The following APOC1 variants were observed in gnomAD, a reference collection of about 807,000 sequenced individuals.
APOC1 encodes apolipoprotein C-I.
Under a neutral mutation model 6.7 loss-of-function variants are expected in APOC1, and 4 were observed. The ratio of observed to expected loss-of-function variants is 0.60; its 90% CI spans 0.29 to 1.37. APOC1 has a LOEUF of 1.37. APOC1 is among the 40% of genes most tolerant of loss of function. APOC1 has a pLI of 0.09. For missense variants in APOC1, 122 were observed against 99.4 expected (o/e 1.23, Z -0.97); for synonymous variants, 33 against 40.6 (o/e 0.81, Z 0.72).
At chr19:44,917,325 G>A (rs1415741947) in intron 3 of APOC1, among the ~76,000 whole-genome samples, 2 of 152,178 alleles carry the variant, frequency 1.3e-5, no homozygotes, top group East Asian at 3.8e-4. Context: ...TGCCGAGCAC[G>A]GTGGCTCACA....
In APOC1 at chr19:44,916,809, CAAAAAAA is replaced by C. The variant is rs1160183813; in HGVS notation, c.194+504_194+510del. ...TGGGTGACAGAAGGAGACTCTGTCT[CAAAAAAA>C]AAAAAAAAAAAAAAAAAAACAAGAT... On this transcript the variant is annotated intron_variant, in intron 3 of 3. Transcript: ENST00000592535. Among the ~76,000 whole-genome samples the C allele has an allele frequency of 7.6e-3, 352 of 46,394 alleles. 1 individual carries two copies. The highest frequency in any genetic ancestry group is 0.01 in the Non-Finnish European group (293 of 28,696). The allele number at this position is 46,394 out of a possible 152,430, so 30.4% of individuals were successfully genotyped here. A position where few individuals can be genotyped will look rare whatever the true frequency, so the allele number is the denominator to read the frequency against.
chr19:44,917,460 C>T (rs1038353586), intron 3 of APOC1, among the ~76,000 whole-genome samples: 4 of 151,788 alleles, frequency 2.6e-5, no homozygotes, highest in Admixed American at 2.6e-4. Context: ...TGCCTGTAGT[C>T]CCAGCTCCTT....
intron 3 of APOC1, among the ~76,000 whole-genome samples, chr19:44,916,624 T>C (rs1193178976): frequency 6.7e-6 from 1 of 148,986 alleles, no homozygotes. Flanking sequence ...TCGAGACCAG[T>C]CTGACCAACA....
chr19:44,919,342 G>GA lies in APOC1; in HGVS notation c.*116dup. On this transcript the variant is annotated 3_prime_UTR_variant, in exon 4 of 4. Transcript: ENST00000592535. ...AGGTGCCACCAATAAAAATCCTACAGAAAATTCTCTCCTGAGTGCTTCTTT... is the reference window on the plus strand; with the variant it reads ...AGGTGCCACCAATAAAAATCCTACAGAAAAATTCTCTCCTGAGTGCTTCTTT... 1 of 976,144 alleles carries GA rather than the reference G, an allele frequency of 1.0e-6. No individual in the cohort carries two copies. The highest frequency in any genetic ancestry group is 1.6e-6 in the Non-Finnish European group (1 of 622,852). 60.5% of individuals were successfully genotyped at this position (976,144 alleles called of 1,614,324 possible).
chr19:44,914,774 T>A (rs967819650), intron 1 of APOC1, 41 bp downstream of exon 1: 1 of 1,068,726 alleles, frequency 9.4e-7, no homozygotes, highest in Non-Finnish European at 1.4e-6. Flanking sequence ...GCCTACACTC[T>A]GCAAGAAACT....
At chr19:44,915,982 A>G (rs1460758791) in intron 2 of APOC1, among the ~76,000 whole-genome samples, 3 of 151,252 alleles carry the variant, frequency 2.0e-5, no homozygotes, top group Non-Finnish European at 4.4e-5. Context: ...ACAAAACAAA[A>G]CAAAAATAGC....
In APOC1 at chr19:44,914,612, G is replaced by C; in HGVS notation, c.-142G>C. On this transcript the variant is annotated 5_prime_UTR_variant, in exon 1 of 4. Coordinates refer to ENST00000592535, the MANE Select transcript of APOC1 (RefSeq NM_001645.5). ...CGTGGGTGGACAGAGGGAGGCAGGC[G>C]GTCAGGGGAAGGCTCAGGAGGAGGG... The C allele has an allele frequency of 4.4e-6, 2 of 458,274 alleles. No individual in the cohort carries two copies. Among genetic ancestry groups the C allele is most frequent in the Non-Finnish European group, 8.0e-6 (2 of 250,666 alleles). 28.4% of individuals were successfully genotyped at this position (458,274 alleles called of 1,614,324 possible).
In APOC1 at chr19:44,916,279, G is replaced by GA; in HGVS notation, c.150dup (p.Leu51ThrfsTer9). Reference sequence around the variant, plus strand: ...AAACACACTGGAGGACAAGGCTCGGGAACTCATCAGCCGCATCAAACAGAG... The same window carrying GA: ...AAACACACTGGAGGACAAGGCTCGGGAAACTCATCAGCCGCATCAAACAGAG... On this transcript the variant is annotated frameshift_variant, in exon 3 of 4. Transcript: ENST00000592535. LOFTEE classifies it low-confidence loss of function (END_TRUNC). The GA allele has an allele frequency of 6.2e-7, 1 of 1,614,034 alleles. No homozygotes were observed. The highest frequency in any genetic ancestry group is 8.5e-7 in the Non-Finnish European group (1 of 1,180,022).
rs1459287209 is a variant in APOC1, at chr19:44,914,924, G to A, written c.33G>A (p.Val11=). 6.2e-7 allele frequency: 1 copy of A among 1,613,844 alleles called. No homozygotes were observed. Among genetic ancestry groups the A allele is most frequent in the Non-Finnish European group, 8.5e-7 (1 of 1,179,840 alleles). The part of the protein sequence containing the change: MRLFLSLPVL[V]VVLSIVLEGP... ...TCTTCCTGTCGCTCCCGGTCCTGGT[G>A]GTGGTTCTGTCGATCGTCTTGGAAG... Residue 11 remains valine (V), a synonymous_variant, in exon 2 of 4, where the codon GTG becomes GTA. Transcript: ENST00000592535.
intron 3 of APOC1, among the ~76,000 whole-genome samples, chr19:44,917,951 G>A (rs1292657454): frequency 6.6e-6 from 1 of 151,452 alleles, no homozygotes; most frequent in African/African-American, 2.4e-5. Context: ...TCCAGCCTGG[G>A]CGACAAGGCG....
At chr19:44,914,816 A>G in intron 1 of APOC1, 56 bp from the exon 2 acceptor site, 1 of 1,418,402 alleles carries the variant, frequency 7.1e-7, no homozygotes, top group Non-Finnish European at 9.9e-7. Context: ...CGTGGGAGGG[A>G]GGTAGGGAGG....
At chr19:44,918,349 TTTTTTTTTTTC>T (rs1199117137) in intron 3 of APOC1, among the ~76,000 whole-genome samples, 8 of 149,674 alleles carry the variant, frequency 5.3e-5, no homozygotes, top group African/African-American at 1.5e-4. Flanking sequence ...TTTTTTTTTT[TTTTTTTTTTTC>T]TTTTTAAATT....
At chr19:44,915,229 G>C (rs12691088) in intron 2 of APOC1, 30 of 513,734 alleles carry the variant, frequency 5.8e-5, no homozygotes, top group Middle Eastern at 5.4e-4. Flanking sequence ...TAAGCTGGGT[G>C]GGGGGCTCTG....
chr19:44,914,762 C>A (rs1969972981), intron 1 of APOC1, 29 bp downstream of exon 1: 2 of 933,608 alleles, frequency 2.1e-6, no homozygotes, highest in African/African-American at 1.6e-5. Flanking sequence ...GGAGGGACAC[C>A]CGCCTACACT....
rs1272374775 is a variant in APOC1, at chr19:44,914,665, T to A, written c.-89T>A. 1.6e-5 allele frequency: 9 copies of A among 556,646 alleles called. No individual in the cohort carries two copies. The East Asian group carries it at 2.7e-4, about 17-fold the overall frequency. 34.5% of individuals were successfully genotyped at this position (556,646 alleles called of 1,614,324 possible). Reference sequence around the variant, plus strand: ...ATCAACATCAACCTGCCCCGCCCCCTCCCCAGCCTGATAAAGGTCCTGCGG... The same window carrying A: ...ATCAACATCAACCTGCCCCGCCCCCACCCCAGCCTGATAAAGGTCCTGCGG... On this transcript the variant is annotated 5_prime_UTR_variant, in exon 1 of 4. Coordinates refer to ENST00000592535, the MANE Select transcript of APOC1 (RefSeq NM_001645.5).
chr19:44,914,925 G>A lies in APOC1; in HGVS notation c.34G>A (p.Val12Met), dbSNP rs778905437. ...RLFLSLPVLV[V>M]VLSIVLEGPA... ...CTTCCTGTCGCTCCCGGTCCTGGTG[G>A]TGGTTCTGTCGATCGTCTTGGAAGG... The change falls in exon 2 of 4, where the codon GTG becomes ATG. Residue 12 changes from valine (V) to methionine (M), a missense_variant. Physicochemically the swap from Val to Met is conservative, Grantham distance 21 (BLOSUM62 1). Coordinates refer to ENST00000592535, the MANE Select transcript of APOC1 (RefSeq NM_001645.5). 53 of 1,613,722 alleles carry A rather than the reference G, an allele frequency of 3.3e-5. No homozygotes were observed. Among genetic ancestry groups the A allele is most frequent in the Non-Finnish European group, 4.4e-5 (52 of 1,179,842 alleles).
intron 3 of APOC1, among the ~76,000 whole-genome samples, chr19:44,918,368 AT>A (rs1465752255): frequency 9.5e-5 from 7 of 73,470 alleles, no homozygotes; most frequent in East Asian, 4.0e-4. Context: ...TTCTTTTTAA[AT>A]TTTTTTTTTT....
At chr19:44,915,064 G>C in intron 2 of APOC1, 115 bp downstream of exon 2, 1 of 1,165,342 alleles carries the variant, frequency 8.6e-7, no homozygotes, top group Non-Finnish European at 1.3e-6. Context: ...CTTCTGGGTC[G>C]TGGTTGCCTC....
At chr19:44,914,821 G>A (rs929096720) in intron 1 of APOC1, 51 bp from the exon 2 acceptor site, 4 of 1,474,226 alleles carry the variant, frequency 2.7e-6, no homozygotes, top group Non-Finnish European at 3.8e-6. Flanking sequence ...GAGGGAGGTA[G>A]GGAGGGAGGA....
Sources: allele counts gnomAD v4.1 joint callset (sites outside exome capture counted in the v4.1 genomes callset), GRCh38; gene constraint gnomAD v4.1.1; transcripts MANE v1.5; gene names NCBI Gene and HGNC (gene_info 2026-07-23, HGNC 2026-07-21).